SOX6: variants seen among roughly 807,000 people sequenced by gnomAD.
SOX6 encodes the protein SRY-box transcription factor 6, also known as transcription factor SOX-6.
A neutral mutation model predicts 97.8 loss-of-function variants in SOX6; 11 were observed. That is an observed-to-expected ratio of 0.11 (90% CI 0.07 to 0.19). SOX6 has a LOEUF of 0.19. Among genes scored for constraint, SOX6 ranks in the 10% least tolerant of loss-of-function variants. SOX6 has a pLI of 1.00. For synonymous variants in SOX6, 360 were observed against 371.4 expected, an observed-to-expected ratio of 0.97 and a Z score of 0.35; for missense variants, 810 against 1,039.5, an observed-to-expected ratio of 0.78 and a Z score of 3.04.
At chr11:16,656,193 T>A (rs1847716065) in intron 3 of SOX6, among the ~76,000 whole-genome samples, 1 of 152,132 alleles carries the variant, frequency 6.6e-6, no homozygotes. Flanking sequence ...TTCTCCTGCC[T>A]CAGCCTTCAG....
intron 1 of SOX6, among the ~76,000 whole-genome samples, chr11:16,380,841 TACTG>T (rs1268379155): frequency 2.0e-5 from 3 of 152,006 alleles, no homozygotes; most frequent in Admixed American, 2.0e-4. Context: ...AAAAATAACA[TACTG>T]ACACTGGTCA....
chr11:16,674,167 G>A (rs936218544), intron 3 of SOX6, among the ~76,000 whole-genome samples: 6 of 117,806 alleles, frequency 5.1e-5, no homozygotes, highest in Non-Finnish European at 9.6e-5. Flanking sequence ...TCCAGCCTGG[G>A]CGACAGAGTG....
intron 4 of SOX6, among the ~76,000 whole-genome samples, chr11:16,541,187 T>A (rs548083130): frequency 6.6e-6 from 1 of 152,308 alleles, no homozygotes; most frequent in Admixed American, 6.5e-5. Flanking sequence ...AGCCATCTGA[T>A]CTTTGACAAA....
chr11:16,032,697 C>A (rs1448888944), intron 12 of SOX6, among the ~76,000 whole-genome samples: 1 of 152,078 alleles, frequency 6.6e-6, no homozygotes, highest in African/African-American at 2.4e-5. Flanking sequence ...CTTTCTTAGC[C>A]AGGCATTCAA....
intron 4 of SOX6, among the ~76,000 whole-genome samples, chr11:16,570,396 GA>G (rs11382860): frequency 4.6e-4 from 69 of 149,482 alleles, no homozygotes; most frequent in South Asian, 8.4e-4. Context: ...GTTTTTCAAT[GA>G]AAAAAAAAAC....
chr11:16,409,484 T>C (rs1418082619), intron 1 of SOX6, among the ~76,000 whole-genome samples: 1 of 152,208 alleles, frequency 6.6e-6, no homozygotes, highest in Non-Finnish European at 1.5e-5. Context: ...ATGCATTTTA[T>C]AAGGCTAGAA....
chr11:16,610,104 T>C lies in SOX6; in HGVS notation n.609+1977A>G, dbSNP rs1288430453. Among the ~76,000 whole-genome samples, 3 of 152,134 alleles carry C rather than the reference T, an allele frequency of 2.0e-5. No homozygotes were observed. The highest frequency in any genetic ancestry group is 1.9e-4 in the East Asian group (1 of 5,188). On this transcript the variant is annotated intron_variant and non_coding_transcript_variant, in intron 4 of 5. Transcript: ENST00000524520. The surrounding 1 kb of genome is among the most constrained non-coding windows in gnomAD (Gnocchi z 4.4). ...ACAGGAGTCAGATCTCCCCTGTGTG[T>C]GTAAGAGTGTCGTTGGGCCTGTTCC...
chr11:16,353,950 C>T (rs1196602436), intron 1 of SOX6, among the ~76,000 whole-genome samples: 2 of 151,978 alleles, frequency 1.3e-5, no homozygotes, highest in African/African-American at 2.4e-5. Flanking sequence ...ATTTATCATG[C>T]CTAATCTACC....
intron 4 of SOX6, among the ~76,000 whole-genome samples, chr11:16,520,828 C>A (rs953307469): frequency 6.6e-6 from 1 of 152,232 alleles, no homozygotes; most frequent in Non-Finnish European, 1.5e-5. Flanking sequence ...GAGATTATAT[C>A]CAGCACCTGG....
intron 4 of SOX6, among the ~76,000 whole-genome samples, chr11:16,525,556 C>G (rs1313968688): frequency 2.6e-5 from 4 of 151,488 alleles, no homozygotes; most frequent in Non-Finnish European, 5.9e-5. Flanking sequence ...CATTACCATT[C>G]AGGACATAGG....
chr11:16,529,953 T>C (rs1188668876), intron 4 of SOX6, among the ~76,000 whole-genome samples: 1 of 152,060 alleles, frequency 6.6e-6, no homozygotes, highest in Non-Finnish European at 1.5e-5. Flanking sequence ...ACAGAAACGC[T>C]TATTAAATTT....
At chr11:16,137,263 T>C (rs966596598) in intron 6 of SOX6, among the ~76,000 whole-genome samples, 6 of 151,832 alleles carry the variant, frequency 4.0e-5, no homozygotes, top group African/African-American at 1.5e-4. Flanking sequence ...TGGTCTCTAC[T>C]AAAATACAAA....
chr11:16,237,248 C>T (rs570777663), intron 3 of SOX6, among the ~76,000 whole-genome samples: 8 of 151,870 alleles, frequency 5.3e-5, no homozygotes, highest in East Asian at 1.9e-4. Flanking sequence ...GCATTCTCCA[C>T]GTAATAATAT....
chr11:16,729,750 C>T (rs1407545439), intron 2 of SOX6, among the ~76,000 whole-genome samples: 2 of 152,040 alleles, frequency 1.3e-5, no homozygotes, highest in Non-Finnish European at 2.9e-5. Flanking sequence ...TGTAAATGAG[C>T]TAAATGCCCC....
intron 2 of SOX6, among the ~76,000 whole-genome samples, chr11:16,321,970 A>G (rs1369446522): frequency 6.6e-6 from 1 of 152,152 alleles, no homozygotes; most frequent in East Asian, 1.9e-4. Context: ...TAATAAACTT[A>G]TAATAGGTTA....
chr11:16,266,753 G>A (rs1397586189), intron 3 of SOX6, among the ~76,000 whole-genome samples: 1 of 151,306 alleles, frequency 6.6e-6, no homozygotes, highest in Non-Finnish European at 1.5e-5. Flanking sequence ...TAAACTCCAA[G>A]GCAATCACCA....
intron 3 of SOX6, among the ~76,000 whole-genome samples, chr11:16,687,554 G>A (rs1053982230): frequency 6.6e-6 from 1 of 152,106 alleles, no homozygotes; most frequent in Non-Finnish European, 1.5e-5. Flanking sequence ...CAAAGTGCTG[G>A]GATTGCAGGC....
intron 13 of SOX6, among the ~76,000 whole-genome samples, chr11:16,004,658 A>T (rs534012800): frequency 6.6e-6 from 1 of 152,160 alleles, no homozygotes; most frequent in Admixed American, 6.6e-5. Context: ...TTAAAGGATT[A>T]AAAACACTTT....
intron 1 of SOX6, among the ~76,000 whole-genome samples, chr11:16,381,819 C>G (rs1395816025): frequency 6.6e-6 from 1 of 151,874 alleles, no homozygotes. Context: ...CATACACACA[C>G]AGGCAGAGGC....
Sources: gnomAD v4.1 joint callset for allele counts (sites outside exome capture counted in the v4.1 genomes callset) on GRCh38, gnomAD v4.1.1 for gene constraint, Gnocchi (gnomAD v3.1) non-coding constraint, MANE v1.5 for transcripts, NCBI Gene and HGNC (gene_info 2026-07-23, HGNC 2026-07-21) for gene names.